ZNF83: variants seen among roughly 807,000 people sequenced by gnomAD.
ZNF83 encodes the protein zinc finger protein 83.
For missense variants in ZNF83, 552 were observed against 629.9 expected, an observed-to-expected ratio of 0.88 and a Z score of 1.32; for synonymous variants, 209 against 213.0, an observed-to-expected ratio of 0.98 and a Z score of 0.17.
chr19:52,679,730 C>G (rs1669551816), intron 1 of ZNF83, among the ~76,000 whole-genome samples: 1 of 152,180 alleles, frequency 6.6e-6, no homozygotes, highest in South Asian at 2.1e-4. Context: ...CAGGGCGCCT[C>G]TGCCTAGAGC....
At chr19:52,656,738 C>G (rs1274579778) in intron 2 of ZNF83, among the ~76,000 whole-genome samples, 1 of 151,710 alleles carries the variant, frequency 6.6e-6, no homozygotes. Context: ...TGGTGGTGTG[C>G]GCCTGTAGCC....
Position 52,656,336 on chromosome 19 carries a change from A to G in ZNF83, c.-200-649T>C, listed in dbSNP as rs77123609. Among the ~76,000 whole-genome samples, 1,091 of 152,166 alleles carry G rather than the reference A, an allele frequency of 7.2e-3. 15 individuals carry two copies. Among genetic ancestry groups the G allele is most frequent in the African/African-American group, 0.025 (1,043 of 41,478 alleles). ...CAGGAGTTTGAGACCAACCTGGGCT[A>G]CATTGTGAAACCCCATATCTACTAA... On this transcript the variant is annotated intron_variant, in intron 2 of 5. Coordinates refer to the ZNF83 transcript ENST00000594682.
intron 3 of ZNF83, chr19:52,655,214 T>A (rs960937996): frequency 4.2e-6 from 1 of 237,582 alleles, no homozygotes; most frequent in Non-Finnish European, 8.0e-6. Context: ...AAAAGCAGAA[T>A]CACAGCTGGA....
intron 3 of ZNF83, chr19:52,651,579 A>T (rs1165834684): frequency 6.6e-6 from 1 of 151,442 alleles, no homozygotes; most frequent in Non-Finnish European, 1.5e-5. Context: ...GCTACTTGGG[A>T]GGCTTAGAAA....
chr19:52,615,191 G>C (rs2060261659), intron 2 of ZNF83, among the ~76,000 whole-genome samples: 1 of 152,172 alleles, frequency 6.6e-6, no homozygotes, highest in Non-Finnish European at 1.5e-5. Context: ...ACTAAGGTCA[G>C]AGAAAACATT....
Position 52,687,327 on chromosome 19 carries a change from T to C in ZNF83, c.-283+3116A>G, listed in dbSNP as rs550209329. Among the ~76,000 whole-genome samples, 7 of 134,048 alleles carry C rather than the reference T, an allele frequency of 5.2e-5. No individual in the cohort carries two copies. The South Asian group carries it at 1.5e-3, about 29-fold the overall frequency. 87.9% of individuals were successfully genotyped at this position (134,048 alleles called of 152,430 possible). A position where few individuals can be genotyped will look rare whatever the true frequency, so the allele number is the denominator to read the frequency against. The stretch of plus-strand genomic sequence containing the variant: ...AATTTAAAACCCCGTTTTACAATTA[T>C]ATATATAGATATATAATTTATATAG... On this transcript the variant is annotated intron_variant, in intron 1 of 5. Transcript: ENST00000594682.
At chr19:52,684,531 T>C (rs548145826) in intron 1 of ZNF83, among the ~76,000 whole-genome samples, 4 of 127,150 alleles carry the variant, frequency 3.1e-5, no homozygotes, top group South Asian at 2.5e-4. Flanking sequence ...GTTTGGACAA[T>C]AGAGTGAGAC....
chr19:52,637,870 C>T (rs915714315), intron 1 of ZNF83, among the ~76,000 whole-genome samples: 9 of 152,136 alleles, frequency 5.9e-5, no homozygotes, highest in South Asian at 2.1e-4. Flanking sequence ...GGGGGGGAGA[C>T]GGCGCCTTAA....
intron 1 of ZNF83, among the ~76,000 whole-genome samples, chr19:52,680,738 G>C (rs373268231): frequency 7.3e-6 from 1 of 137,676 alleles, no homozygotes; most frequent in Non-Finnish European, 1.5e-5. Context: ...TCAGCCTCCC[G>C]AGTAACTGGG....
chr19:52,646,209 G>A (rs2061370884), intron 3 of ZNF83, among the ~76,000 whole-genome samples: 1 of 152,052 alleles, frequency 6.6e-6, no homozygotes, highest in Non-Finnish European at 1.5e-5. Context: ...CAAAGTGCTG[G>A]GATTACAGGC....
chr19:52,677,913 T>A (rs2061843436), intron 1 of ZNF83, among the ~76,000 whole-genome samples: 1 of 151,830 alleles, frequency 6.6e-6, no homozygotes, highest in Non-Finnish European at 1.5e-5. Context: ...CACGTGCCCA[T>A]CATCCCAGCT....
rs1461381252 is a variant in ZNF83, at chr19:52,683,235, T to G, written c.-283+7208A>C. ...CTCAGCTGCCCTGTGACTCTGTGTG[T>G]GTGTGTGTGTGTGTGTGTGTGTGTG... On this transcript the variant is annotated intron_variant, in intron 1 of 5. Transcript: ENST00000594682. Among the ~76,000 whole-genome samples the G allele has an allele frequency of 4.7e-4, 8 of 16,848 alleles. No individual in the cohort carries two copies. In the East Asian group the frequency reaches 7.2e-3, roughly 15 times the overall value. 11.1% of individuals were successfully genotyped at this position (16,848 alleles called of 152,430 possible). A position where few individuals can be genotyped will look rare whatever the true frequency, so the allele number is the denominator to read the frequency against.
chr19:52,674,998 G>A (rs998082637), intron 1 of ZNF83, among the ~76,000 whole-genome samples: 3 of 152,142 alleles, frequency 2.0e-5, no homozygotes, highest in Non-Finnish European at 4.4e-5. Context: ...TGGGATTACA[G>A]GCATGAGCCA....
intron 1 of ZNF83, among the ~76,000 whole-genome samples, chr19:52,673,836 G>A (rs1312297344): frequency 1.3e-5 from 2 of 151,436 alleles, no homozygotes; most frequent in African/African-American, 4.9e-5. Context: ...TCAACATGGT[G>A]CAACCCTATC....
At chr19:52,614,000 T>C (rs754905776) in exon 3 of ZNF83, 2 of 1,613,530 alleles carry the variant, frequency 1.2e-6, no homozygotes, top group Non-Finnish European at 1.7e-6. Context: ...AGGTGTGAAA[T>C]TTGATTAAAG....
chr19:52,684,967 A>G (rs944745618), intron 1 of ZNF83, among the ~76,000 whole-genome samples: 10 of 152,176 alleles, frequency 6.6e-5, no homozygotes, highest in African/African-American at 1.9e-4. Context: ...AGGCACTGAC[A>G]TGACCTGCTT....
At chr19:52,653,414 T>A in intron 3 of ZNF83, 2 of 860,710 alleles carry the variant, frequency 2.3e-6, no homozygotes, top group African/African-American at 1.7e-5. Context: ...TTCTCTTCAG[T>A]ATGAACTCTG....
rs59481662 is a variant in ZNF83 at position 52,674,750 on chromosome 19, T to C, written c.-282-13907A>G. 7.2e-4 allele frequency among the ~76,000 whole-genome samples: 109 copies of C among 152,304 alleles called. 1 individual carries two copies. The East Asian group carries it at 0.021, about 29-fold the overall frequency. On this transcript the variant is annotated intron_variant, in intron 1 of 5. Coordinates refer to the ZNF83 transcript ENST00000594682. The stretch of plus-strand genomic sequence containing the variant: ...CTACCTTGAAATCTATGAACATTGA[T>C]CAAAATGATTAAAAACATAGAGATA...
intron 1 of ZNF83, among the ~76,000 whole-genome samples, chr19:52,685,596 C>G (rs1312542714): frequency 6.6e-6 from 1 of 152,000 alleles, no homozygotes; most frequent in Non-Finnish European, 1.5e-5. Flanking sequence ...CGAACTGTTT[C>G]AATCAAGAAT....
Sources: gnomAD v4.1 joint callset for allele counts (sites outside exome capture counted in the v4.1 genomes callset) on GRCh38, gnomAD v4.1.1 for gene constraint, MANE v1.5 for transcripts, NCBI Gene and HGNC (gene_info 2026-07-23, HGNC 2026-07-21) for gene names.